The following CEP89 variants were observed in gnomAD, a reference collection of about 807,000 sequenced individuals.
CEP89 encodes the protein centrosomal protein of 89 kDa.
CEP89 carries 95 observed loss-of-function variants against 97.6 expected under a neutral mutation model. The observed-to-expected ratio is 0.97, with a 90% CI of 0.82 to 1.15. CEP89 has a LOEUF of 1.15. CEP89 is among the 50% of genes most tolerant of loss of function. The pLI is 0.00. For missense variants in CEP89, 869 were observed against 947.7 expected (o/e 0.92, Z 1.09); for synonymous variants, 354 against 349.1 (o/e 1.01, Z -0.16).
intron 18 of CEP89, among the ~76,000 whole-genome samples, chr19:32,880,660 AATTCCCCAGACT>A (rs1969263150): frequency 6.9e-6 from 1 of 144,640 alleles, no homozygotes; most frequent in South Asian, 2.2e-4. Flanking sequence ...AAAAAAAAAA[AATTCCCCAGACT>A]TTGGTTTTCT....
chr19:32,897,126 C>T (rs1366154238), intron 16 of CEP89, among the ~76,000 whole-genome samples: 1 of 152,104 alleles, frequency 6.6e-6, no homozygotes, highest in African/African-American at 2.4e-5. Flanking sequence ...AAGTAGATTC[C>T]AAAGAACAGA....
chr19:32,953,348 G>T (rs1332458599), intron 4 of CEP89, among the ~76,000 whole-genome samples: 1 of 151,860 alleles, frequency 6.6e-6, no homozygotes, highest in East Asian at 1.9e-4. Flanking sequence ...CAAGGTCAAA[G>T]AAAAGAACGA....
At chr19:32,969,539 G>C (rs571356737) in intron 1 of CEP89, 14 of 152,548 alleles carry the variant, frequency 9.2e-5, no homozygotes, top group Admixed American at 8.5e-4. Context: ...GGAGTGGAGA[G>C]AGGCCAGGCA....
chr19:32,922,833 G>A (rs1250519539), intron 12 of CEP89, among the ~76,000 whole-genome samples: 2 of 139,436 alleles, frequency 1.4e-5, no homozygotes, highest in Non-Finnish European at 3.0e-5. Flanking sequence ...GGCCAACACA[G>A]CAAGACTCTG....
intron 2 of CEP89, chr19:32,963,612 A>G (rs967543610): frequency 3.9e-5 from 6 of 152,126 alleles, no homozygotes; most frequent in Admixed American, 3.9e-4. Context: ...GCTTTAAGAC[A>G]CTGCCCCTGG....
chr19:32,900,736 T>C lies in CEP89; in HGVS notation c.1733+509A>G, dbSNP rs141695239. On this transcript the variant is annotated intron_variant, in intron 15 of 18. Coordinates refer to ENST00000305768, the MANE Select transcript of CEP89 (RefSeq NM_032816.5). ...ATGACCATCAACCATATTTCAATTA[T>C]AGACTTTAGAAATGTTGGTTAACAT... Among the ~76,000 whole-genome samples the C allele has an allele frequency of 2.5e-3, 386 of 152,342 alleles. 2 individuals are homozygous for C. The highest frequency in any genetic ancestry group is 8.8e-3 in the African/African-American group (364 of 41,574).
chr19:32,929,498 A>G (rs1970426601), intron 9 of CEP89, among the ~76,000 whole-genome samples: 1 of 152,028 alleles, frequency 6.6e-6, no homozygotes, highest in Admixed American at 6.6e-5. Flanking sequence ...GCCACTCAGG[A>G]GGCTGAGAAA....
intron 10 of CEP89, 68 bp from the exon 11 acceptor site, chr19:32,926,341 ATGGCAAG>A (rs1200134430): frequency 9.0e-7 from 1 of 1,116,976 alleles, no homozygotes; most frequent in African/African-American, 1.6e-5. Context: ...AAATTTTTAA[ATGGCAAG>A]AAGTTATACT....
chr19:32,950,468 G>C (rs1409150326), intron 4 of CEP89, among the ~76,000 whole-genome samples: 1 of 152,196 alleles, frequency 6.6e-6, no homozygotes, highest in Non-Finnish European at 1.5e-5. Context: ...TGAGGCAGGA[G>C]AATTGCTTGA....
At chr19:32,921,885 C>T (rs1040935731) in intron 12 of CEP89, among the ~76,000 whole-genome samples, 2 of 152,198 alleles carry the variant, frequency 1.3e-5, no homozygotes, top group Admixed American at 6.5e-5. Flanking sequence ...ATGCTGTTGA[C>T]TCAATTCCAG....
intron 16 of CEP89, among the ~76,000 whole-genome samples, chr19:32,892,201 AC>A (rs1969538181): frequency 1.5e-5 from 1 of 67,432 alleles, no homozygotes; most frequent in Non-Finnish European, 2.9e-5. Context: ...ATATATTTAG[AC>A]ATATATATAT....
intron 16 of CEP89, among the ~76,000 whole-genome samples, chr19:32,897,121 G>C (rs937324006): frequency 2.6e-5 from 4 of 152,194 alleles, no homozygotes; most frequent in Non-Finnish European, 4.4e-5. Context: ...CCAGGAAGTA[G>C]ATTCCAAAGA....
At chr19:32,888,654 G>A (rs1969449803) in intron 16 of CEP89, among the ~76,000 whole-genome samples, 1 of 150,732 alleles carries the variant, frequency 6.6e-6, no homozygotes, top group African/African-American at 2.4e-5. Flanking sequence ...CCGCACTCCA[G>A]CCTGGGCAAC....
At chr19:32,951,570 CACT>C (rs1970920406) in intron 4 of CEP89, among the ~76,000 whole-genome samples, 1 of 151,330 alleles carries the variant, frequency 6.6e-6, no homozygotes, top group South Asian at 2.1e-4. Flanking sequence ...CACACACGCA[CACT>C]ACTACAGTTG....
At chr19:32,910,314 G>GGA (rs146865758) in intron 14 of CEP89, among the ~76,000 whole-genome samples, 15 of 117,788 alleles carry the variant, frequency 1.3e-4, no homozygotes, top group African/African-American at 1.6e-4. Context: ...AGGGAGGGAG[G>GGA]GAGAGAGAGA....
intron 14 of CEP89, among the ~76,000 whole-genome samples, chr19:32,901,727 A>C (rs1280534407): frequency 6.6e-6 from 1 of 151,928 alleles, no homozygotes; most frequent in East Asian, 1.9e-4. Flanking sequence ...TTCTGGACTC[A>C]AGCAATCCTC....
intron 14 of CEP89, among the ~76,000 whole-genome samples, chr19:32,910,780 G>C (rs546535115): frequency 1.8e-4 from 28 of 152,192 alleles, no homozygotes; most frequent in African/African-American, 6.5e-4. Flanking sequence ...CCACCTCCAT[G>C]TCTCATCCCA....
chr19:32,951,561 ACACACG>A (rs1970919007), intron 4 of CEP89, among the ~76,000 whole-genome samples: 3 of 150,958 alleles, frequency 2.0e-5, no homozygotes, highest in Admixed American at 6.6e-5. Context: ...ACACACACAC[ACACACG>A]CACACTACTA....
intron 16 of CEP89, among the ~76,000 whole-genome samples, chr19:32,896,950 C>T (rs2145882720): frequency 6.6e-6 from 1 of 152,046 alleles, no homozygotes; most frequent in South Asian, 2.1e-4. Context: ...CACAGAAATG[C>T]AAATCAAAAC....
Sources: gnomAD v4.1 joint callset for allele counts (sites outside exome capture counted in the v4.1 genomes callset) on GRCh38, gnomAD v4.1.1 for gene constraint, MANE v1.5 for transcripts, NCBI Gene and HGNC (gene_info 2026-07-23, HGNC 2026-07-21) for gene names.